Variants in ABHD4 observed in about 807,000 individuals in gnomAD.
ABHD4 encodes abhydrolase domain containing 4, N-acyl phospholipase B.
Under a neutral mutation model 42.3 loss-of-function variants are expected in ABHD4, and 35 were observed. The observed-to-expected ratio is 0.83, with a 90% CI of 0.63 to 1.10. The LOEUF (loss-of-function observed/expected upper bound fraction) is 1.10, where lower values mean the gene tolerates loss of function less well. Ranked by LOEUF, ABHD4 falls within the 50% of genes least tolerant of loss-of-function variation. ABHD4 has a pLI of 0.00. For missense variants in ABHD4, 389 were observed against 454.8 expected (o/e 0.86, Z 1.32); for synonymous variants, 169 against 170.6 (o/e 0.99, Z 0.07).
chr14:22,604,553 T>C (rs78890043), intron 4 of ABHD4, among the ~76,000 whole-genome samples: 1,679 of 86,238 alleles, frequency 0.019, 37 homozygotes, highest in African/African-American at 0.1. Context: ...GGCCTGTTTT[T>C]TGTTTTTTGT....
rs2037308963 is a variant in ABHD4 at position 22,603,395 on chromosome 14, C to T, written c.118C>T (p.Gln40Ter). Residue 40 changes from glutamine (Q) to a stop codon, truncating the protein, a stop_gained, in exon 3 of 7, where the codon CAG becomes TAG. Transcript: ENST00000428304. LOFTEE classifies it high-confidence loss of function. ...TGGGATTCTTTCCTCCCCAGGTCTCCAGAATAAGTTCCTGGCCAGATATGT... is the reference window on the plus strand; with the variant it reads ...TGGGATTCTTTCCTCCCCAGGTCTCTAGAATAAGTTCCTGGCCAGATATGT... ...NVEARILQCL[Q>*]NKFLARYVSL... is the part of the protein sequence containing the mutation. 1 of 1,614,144 alleles carries T rather than the reference C, an allele frequency of 6.2e-7. No homozygotes were observed. Among genetic ancestry groups the T allele is most frequent in the Non-Finnish European group, 8.5e-7 (1 of 1,180,014 alleles).
intron 5 of ABHD4, among the ~76,000 whole-genome samples, chr14:22,608,560 A>G (rs1217142318): frequency 2.6e-5 from 4 of 152,204 alleles, no homozygotes; most frequent in African/African-American, 9.7e-5. Context: ...TTACTACTAT[A>G]GTACTCACTT....
At chr14:22,598,667 G>T in intron 1 of ABHD4, 2 of 472,540 alleles carry the variant, frequency 4.2e-6, no homozygotes, top group South Asian at 3.9e-5. Context: ...TGGGACGCGG[G>T]TGCGGAGGTA....
At chr14:22,607,993 T>A (rs900703255) in intron 5 of ABHD4, among the ~76,000 whole-genome samples, 2 of 152,228 alleles carry the variant, frequency 1.3e-5, no homozygotes, top group African/African-American at 4.8e-5. Flanking sequence ...TGAGGGTATC[T>A]ACTTCATCTC....
chr14:22,610,817 G>A (rs2037406007), intron 6 of ABHD4, 42 bp from the exon 7 acceptor site: 5 of 1,524,864 alleles, frequency 3.3e-6, no homozygotes, highest in Non-Finnish European at 3.6e-6. Context: ...CCAGCACCAG[G>A]AATAAAAGGC....
intron 4 of ABHD4, among the ~76,000 whole-genome samples, chr14:22,604,503 T>G (rs2037326111): frequency 6.6e-6 from 1 of 152,190 alleles, no homozygotes; most frequent in South Asian, 2.1e-4. Context: ...TGCCTCGGCC[T>G]CCCGAAGTGC....
Position 22,612,283 on chromosome 14 carries a change from A to T in ABHD4, c.*1335A>T, listed in dbSNP as rs2037424049. 1 of 152,598 alleles carries T rather than the reference A, an allele frequency of 6.6e-6. No homozygotes were observed. Among genetic ancestry groups the T allele is most frequent in the South Asian group, 2.1e-4 (1 of 4,820 alleles). 9.5% of individuals were successfully genotyped at this position (152,598 alleles called of 1,614,324 possible). On this transcript the variant is annotated 3_prime_UTR_variant, in exon 7 of 7. Transcript: ENST00000428304. ...CATCCCCTTCACCAGAATGGTATTAACTCCTGGTGCTTTGTACTACTGGTC... is the reference window on the plus strand; with the variant it reads ...CATCCCCTTCACCAGAATGGTATTATCTCCTGGTGCTTTGTACTACTGGTC...
chr14:22,599,530 T>C (rs1485290020), intron 1 of ABHD4, among the ~76,000 whole-genome samples: 1 of 152,208 alleles, frequency 6.6e-6, no homozygotes, highest in African/African-American at 2.4e-5. Context: ...ACCTCCCGCA[T>C]AGTTTTGAGC....
At chr14:22,602,464 T>C (rs4982648) in intron 2 of ABHD4, among the ~76,000 whole-genome samples, 78,971 of 151,984 alleles carry the variant, frequency 0.52, 20,797 homozygotes, top group Middle Eastern at 0.62. Context: ...CCAGGCTGCT[T>C]CACCCAGGCA....
chr14:22,611,156 G>A lies in ABHD4; in HGVS notation c.*208G>A. On this transcript the variant is annotated 3_prime_UTR_variant, in exon 7 of 7. Coordinates refer to ENST00000428304, the MANE Select transcript of ABHD4 (RefSeq NM_022060.3). ...GCAGAAGCCACAAGAGGCCTTGAGTGCCACCCCCAGGGAAGAACATAAAGG... is the reference window on the plus strand; with the variant it reads ...GCAGAAGCCACAAGAGGCCTTGAGTACCACCCCCAGGGAAGAACATAAAGG... 1 of 567,706 alleles carries A rather than the reference G, an allele frequency of 1.8e-6. No homozygotes were observed. The highest frequency in any genetic ancestry group is 2.1e-5 in the South Asian group (1 of 48,194). 35.2% of individuals were successfully genotyped at this position (567,706 alleles called of 1,614,324 possible).
chr14:22,611,696 G>C lies in ABHD4; in HGVS notation c.*748G>C, dbSNP rs187531751. 1 of 152,746 alleles carries C rather than the reference G, an allele frequency of 6.5e-6. No individual in the cohort carries two copies. The highest frequency in any genetic ancestry group is 1.5e-5 in the Non-Finnish European group (1 of 68,162). The allele number at this position is 152,746 out of a possible 1,614,324, so 9.5% of individuals were successfully genotyped here. ...ATGGGGCTGGTCCTAGTCACTGGCCGAGGATAAGCCCGTCCCTGTCCCACA... is the reference window on the plus strand; with the variant it reads ...ATGGGGCTGGTCCTAGTCACTGGCCCAGGATAAGCCCGTCCCTGTCCCACA... On this transcript the variant is annotated 3_prime_UTR_variant, in exon 7 of 7. Coordinates refer to ENST00000428304, the MANE Select transcript of ABHD4 (RefSeq NM_022060.3).
intron 1 of ABHD4, among the ~76,000 whole-genome samples, chr14:22,600,669 G>T (rs1364303112): frequency 3.9e-5 from 6 of 152,160 alleles, no homozygotes; most frequent in Admixed American, 3.9e-4. Context: ...ATCATATGGG[G>T]TTAACAAGGA....
At chr14:22,600,831 G>GGGGGGTGT in intron 1 of ABHD4, among the ~76,000 whole-genome samples, 1 of 65,228 alleles carries the variant, frequency 1.5e-5, no homozygotes, top group East Asian at 3.1e-4. Flanking sequence ...CCAGCAGGGG[G>GGGGGGTGT]GTGTGTGTGT....
chr14:22,601,814 T>G, intron 2 of ABHD4, 59 bp downstream of exon 2: 4 of 1,488,224 alleles, frequency 2.7e-6, no homozygotes, highest in Non-Finnish European at 3.7e-6. Flanking sequence ...GGATTCAGGA[T>G]CTTCCCAGAG....
intron 1 of ABHD4, 39 bp from the exon 2 acceptor site, chr14:22,601,628 C>T: frequency 6.4e-7 from 1 of 1,560,548 alleles, no homozygotes; most frequent in Non-Finnish European, 8.8e-7. Flanking sequence ...ATGTTTCTTT[C>T]CAATGTTGCC....
intron 1 of ABHD4, 28 bp downstream of exon 1, chr14:22,598,357 TTCTCTC>T: frequency 6.6e-7 from 1 of 1,505,602 alleles, no homozygotes. Flanking sequence ...CTTTCTCTCT[TTCTCTC>T]TCTCTCTCTG....
In ABHD4 at chr14:22,601,705, G is replaced by GC. The variant is rs755030669; in HGVS notation, c.66dup (p.Thr23HisfsTer20). On this transcript the variant is annotated frameshift_variant, in exon 2 of 7. Transcript: ENST00000428304. LOFTEE classifies it high-confidence loss of function. Reference sequence around the variant, plus strand: ...CTGAGTAGCTGGCTGCCCACGTGGCGCCCCACTTCCATGTCTCAGCTGAAG... The same window carrying GC: ...CTGAGTAGCTGGCTGCCCACGTGGCGCCCCCACTTCCATGTCTCAGCTGAAG... 43 of 1,613,964 alleles carry GC rather than the reference G, an allele frequency of 2.7e-5. No homozygotes were observed. The highest frequency in any genetic ancestry group is 3.6e-5 in the Non-Finnish European group (42 of 1,179,998).
At chr14:22,598,683 C>A in intron 1 of ABHD4, 1 of 426,676 alleles carries the variant, frequency 2.3e-6, no homozygotes, top group Non-Finnish European at 4.4e-6. Flanking sequence ...AGGTAGCAGC[C>A]AGGCGTGCTC....
intron 1 of ABHD4, 139 bp downstream of exon 1, chr14:22,598,468 T>G (rs1594888976): frequency 7.8e-6 from 11 of 1,412,616 alleles, no homozygotes; most frequent in East Asian, 3.1e-5. Context: ...GGGCGGGGGG[T>G]GGGTGCGTTG....
Sources: allele counts gnomAD v4.1 joint callset (sites outside exome capture counted in the v4.1 genomes callset), GRCh38; gene constraint gnomAD v4.1.1; transcripts MANE v1.5; gene names NCBI Gene and HGNC (gene_info 2026-07-23, HGNC 2026-07-21).